The following ELK4 variants were observed in gnomAD, a reference collection of about 807,000 sequenced individuals.
The protein encoded by ELK4 is ETS transcription factor ELK4, also known as ETS domain-containing protein Elk-4.
ELK4 carries 16 observed loss-of-function variants against 29.6 expected under a neutral mutation model. That is an observed-to-expected ratio of 0.54 (90% CI 0.37 to 0.82). The LOEUF (loss-of-function observed/expected upper bound fraction) is 0.82, where lower values mean the gene tolerates loss of function less well. Ranked by LOEUF, ELK4 falls within the 40% of genes least tolerant of loss-of-function variation. ELK4 has a pLI of 0.00. For synonymous variants in ELK4, 213 were observed against 191.1 expected, an observed-to-expected ratio of 1.11 and a Z score of -0.95; for missense variants, 465 against 507.1, an observed-to-expected ratio of 0.92 and a Z score of 0.80.
At chr1:205,619,635 A>G in intron 3 of ELK4, 1 of 1,334,152 alleles carries the variant, frequency 7.5e-7, no homozygotes, top group Non-Finnish European at 9.5e-7. Context: ...ACTTGAGATT[A>G]TCACTGTTTG....
At chr1:205,619,546 C>A in intron 3 of ELK4, 2 of 1,132,458 alleles carry the variant, frequency 1.8e-6, no homozygotes, top group Non-Finnish European at 2.2e-6. Flanking sequence ...TAATAAATAG[C>A]TAAAGTAACT....
chr1:205,613,703 T>C lies in ELK4; in HGVS notation c.*2843A>G, dbSNP rs1031662781. On this transcript the variant is annotated 3_prime_UTR_variant, in exon 5 of 5. Coordinates refer to ENST00000357992, the MANE Select transcript of ELK4 (RefSeq NM_001973.4). ...CCCCAGAGATCCTGGTTGTTAAACA[T>C]TTCTAGCACACGACTGAGTGGATAG... is the stretch of plus-strand genomic sequence containing the variant. 9.1e-6 allele frequency: 1 copy of C among 109,360 alleles called. No individual in the cohort carries two copies. Among genetic ancestry groups the C allele is most frequent in the African/African-American group, 3.6e-5 (1 of 27,774 alleles). The allele number at this position is 109,360 out of a possible 1,614,324, so 6.8% of individuals were successfully genotyped here.
In ELK4 at chr1:205,613,837, T is replaced by A. The variant is rs1177660776; in HGVS notation, c.*2709A>T. ...TACTGCTGCCCAACAGCATTCATCC[T>A]GGCAAAGTGACTAGGGATGGATACG... is the stretch of plus-strand genomic sequence containing the variant. On this transcript the variant is annotated 3_prime_UTR_variant, in exon 5 of 5. Transcript: ENST00000357992. 4.7e-6 allele frequency: 1 copy of A among 213,932 alleles called. No homozygotes were observed. The highest frequency in any genetic ancestry group is 9.5e-6 in the Non-Finnish European group (1 of 105,752). 13.3% of individuals were successfully genotyped at this position (213,932 alleles called of 1,614,324 possible). A position where few individuals can be genotyped will look rare whatever the true frequency, so the allele number is the denominator to read the frequency against.
intron 1 of ELK4, among the ~76,000 whole-genome samples, chr1:205,624,319 G>A (rs745459671): frequency 1.3e-5 from 2 of 152,154 alleles, no homozygotes; most frequent in Non-Finnish European, 2.9e-5. Context: ...TCTCTCAGGA[G>A]ACCACCATTC....
chr1:205,618,001 AAGAG>A (rs902695120), intron 4 of ELK4, among the ~76,000 whole-genome samples: 5 of 70,990 alleles, frequency 7.0e-5, no homozygotes, highest in Non-Finnish European at 1.5e-4. Context: ...GAGAGAGAGC[AAGAG>A]AGAGAGAGAG....
At chr1:205,627,314 CCTGT>C (rs1438412059) in intron 1 of ELK4, among the ~76,000 whole-genome samples, 4 of 152,002 alleles carry the variant, frequency 2.6e-5, no homozygotes, top group Middle Eastern at 3.2e-3. Context: ...TCGAGACCAT[CCTGT>C]CTAACACAGT....
chr1:205,627,373 G>C (rs1002345457), intron 1 of ELK4, among the ~76,000 whole-genome samples: 2 of 152,210 alleles, frequency 1.3e-5, no homozygotes, highest in South Asian at 4.2e-4. Flanking sequence ...GCTGGGCGTG[G>C]TGGTGGGCGC....
intron 2 of ELK4, among the ~76,000 whole-genome samples, chr1:205,622,444 T>G (rs900218588): frequency 6.6e-6 from 1 of 152,126 alleles, no homozygotes; most frequent in African/African-American, 2.4e-5. Context: ...TCTCATGGAG[T>G]GCAGTGGTGT....
At chr1:205,620,867 T>A in intron 2 of ELK4, 29 bp from the exon 3 acceptor site, 2 of 1,567,238 alleles carry the variant, frequency 1.3e-6, no homozygotes, top group Non-Finnish European at 1.7e-6. Context: ...AGCATTTTTA[T>A]CCTTTCTTAT....
chr1:205,619,061 G>A lies in ELK4; in HGVS notation c.1093C>T (p.Leu365=). The A allele has an allele frequency of 6.3e-7, 1 of 1,591,816 alleles. No homozygotes were observed. Among genetic ancestry groups the A allele is most frequent in the Non-Finnish European group, 8.5e-7 (1 of 1,171,592 alleles). ...PAFFSQTPII[L]TPSPLLSSIH... ...CTGGAGAGCAAGGGGCTTGGAGTCA[G>A]TATGATGGGTGTCTGCAATACACAA... Residue 365 remains leucine (L), a synonymous_variant, in exon 4 of 5, where the codon CTG becomes TTG. Transcript: ENST00000357992.
rs781768393 is a variant in ELK4, at chr1:205,616,561, G to C, written c.1281C>G (p.Asp427Glu). The C allele has an allele frequency of 8.1e-6, 13 of 1,614,014 alleles. No homozygotes were observed. In the African/African-American group the frequency reaches 1.1e-4, roughly 13 times the overall value. ...AGTGCATAGGTTATGTCTTCTGTAG[G>C]TCTGGGGAAAATGGGCCAGGGGTGG... ...GPSTPGPFSP[D>E]LQKT Residue 427 changes from aspartate (D) to glutamate (E), a missense_variant, in exon 5 of 5, where the codon GAC (aspartate) becomes GAG (glutamate). Around this residue, in one of 2 missense-constraint regions of ELK4, gnomAD observed 80 missense variants for 119.6 expected, o/e 0.67. Coordinates refer to ENST00000357992, the MANE Select transcript of ELK4 (RefSeq NM_001973.4).
In ELK4 at chr1:205,610,019, T is replaced by C. The variant is rs1670128955; in HGVS notation, c.*6527A>G. The C allele has an allele frequency of 8.7e-6, 2 of 230,802 alleles. No individual in the cohort carries two copies. The highest frequency in any genetic ancestry group is 1.8e-4 in the South Asian group (1 of 5,506). The allele number at this position is 230,802 out of a possible 1,614,324, so 14.3% of individuals were successfully genotyped here. On this transcript the variant is annotated 3_prime_UTR_variant, in exon 5 of 5. Coordinates refer to ENST00000357992, the MANE Select transcript of ELK4 (RefSeq NM_001973.4). The stretch of plus-strand genomic sequence containing the variant: ...CAAAATAATCATTAAGTGCTTCCAG[T>C]TATTAAAAATGAAACAGTGCTAATA...
At position 205,613,875 on chromosome 1, in the gene ELK4, C is replaced by T. The variant is rs1289712129; in HGVS notation, c.*2671G>A. 2 of 216,342 alleles carry T rather than the reference C, an allele frequency of 9.2e-6. No individual in the cohort carries two copies. The highest frequency in any genetic ancestry group is 1.2e-4 in the Admixed American group (2 of 17,172). The allele number at this position is 216,342 out of a possible 1,614,324, so 13.4% of individuals were successfully genotyped here. On this transcript the variant is annotated 3_prime_UTR_variant, in exon 5 of 5. Coordinates refer to ENST00000357992, the MANE Select transcript of ELK4 (RefSeq NM_001973.4). ...AGGGATGGATACGAGCTACAGCTAC[C>T]AATTACAAGTCTCTCCAGTGAAAAC...
In ELK4 at chr1:205,620,541, C is replaced by T. The variant is rs1473207702; in HGVS notation, c.505G>A (p.Glu169Lys). ...NVKLFKLIKTENPAEKLAEKK... is the reference protein window; with the variant it reads ...NVKLFKLIKTKNPAEKLAEKK... The stretch of plus-strand genomic sequence containing the variant: ...TCTGCCAGTTTCTCGGCTGGATTCT[C>T]AGTCTTTATCAATTTGAAAAGCTTT... The change falls in exon 3 of 5, where the codon GAG becomes AAG. Residue 169 changes from glutamate to lysine, a missense_variant. Glu to Lys is a moderately conservative substitution (Grantham distance 56). Transcript: ENST00000357992. 11 of 1,614,148 alleles carry T rather than the reference C, an allele frequency of 6.8e-6. No individual in the cohort carries two copies. The highest frequency in any genetic ancestry group is 5.5e-5 in the South Asian group (5 of 91,068).
chr1:205,627,812 C>A (rs1407478929), intron 1 of ELK4, among the ~76,000 whole-genome samples: 1 of 152,156 alleles, frequency 6.6e-6, no homozygotes, highest in Non-Finnish European at 1.5e-5. Context: ...CTGAAACACT[C>A]AAAATGTCCT....
chr1:205,620,797 C>T lies in ELK4; in HGVS notation c.249G>A (p.Lys83=). 1 of 1,613,414 alleles carries T rather than the reference C, an allele frequency of 6.2e-7. No homozygotes were observed. The highest frequency in any genetic ancestry group is 2.2e-5 in the East Asian group (1 of 44,878). The part of the protein sequence containing the change: ...KKVNGQKFVY[K]FVSYPEILNM... ...TCAAAATCTCTGGATAAGAGACAAA[C>T]TTGTACACAAACTTCTGACCATTCA... Residue 83 remains lysine, a synonymous_variant, in exon 3 of 5, where the codon AAG becomes AAA. Transcript: ENST00000357992.
At chr1:205,619,778 C>G (rs377302240) in intron 3 of ELK4, 188 bp downstream of exon 3, 26 of 1,511,714 alleles carry the variant, frequency 1.7e-5, no homozygotes, top group Non-Finnish European at 2.6e-6. Flanking sequence ...GAAAATACTC[C>G]AAACTTTCTA....
Position 205,620,503 on chromosome 1 carries a change from A to C in ELK4, c.543T>G (p.Pro181=). The C allele has an allele frequency of 6.2e-7, 1 of 1,614,030 alleles. No homozygotes were observed. The highest frequency in any genetic ancestry group is 8.5e-7 in the Non-Finnish European group (1 of 1,179,952). ...TGATGACAGATGGTGTGGGCTCCTG[A>C]GGAGATTTTTTCTCTGCCAGTTTCT... ...PAEKLAEKKS[P]QEPTPSVIKF... Residue 181 remains proline, a synonymous_variant, in exon 3 of 5, where the codon CCT becomes CCG. Coordinates refer to ENST00000357992, the MANE Select transcript of ELK4 (RefSeq NM_001973.4).
At chr1:205,619,845 A>G (rs752200200) in intron 3 of ELK4, 121 bp downstream of exon 3, 3 of 1,606,672 alleles carry the variant, frequency 1.9e-6, no homozygotes, top group Non-Finnish European at 2.6e-6. Flanking sequence ...ACAGTCACAC[A>G]TAACCTTTCT....
Sources: gnomAD v4.1 joint callset for allele counts (sites outside exome capture counted in the v4.1 genomes callset) on GRCh38, gnomAD v4.1.1 for gene constraint, gnomAD v4.1.1 regional missense constraint, MANE v1.5 for transcripts, NCBI Gene and HGNC (gene_info 2026-07-23, HGNC 2026-07-21) for gene names.